Variants in ELAVL4 observed in about 807,000 individuals in gnomAD.
ELAVL4 encodes the protein ELAV-like protein 4.
A neutral mutation model predicts 35.6 loss-of-function variants in ELAVL4; 1 was observed. The ratio of observed to expected loss-of-function variants is 0.03; its 90% confidence interval spans 0.01 to 0.13. ELAVL4 has a LOEUF of 0.13. Ranked by LOEUF, ELAVL4 falls within the 10% of genes least tolerant of loss-of-function variation. ELAVL4 has a pLI of 1.00. For synonymous variants in ELAVL4, 156 were observed against 171.0 expected (o/e 0.91, Z 0.69); for missense variants, 267 against 464.9 (o/e 0.57, Z 3.91).
intron 1 of ELAVL4, among the ~76,000 whole-genome samples, chr1:50,139,857 A>G (rs1407177981): frequency 6.6e-6 from 1 of 152,128 alleles, no homozygotes; most frequent in Non-Finnish European, 1.5e-5. Flanking sequence ...TATTTTGCAG[A>G]AAAGAGTGGT....
chr1:50,180,242 A>G (rs1680809493), intron 3 of ELAVL4: 1 of 151,848 alleles, frequency 6.6e-6, no homozygotes, highest in South Asian at 2.1e-4. Context: ...CCCAAATTGG[A>G]AAATCTGAAA....
rs569351472 is a variant in ELAVL4, at chr1:50,087,345, C to T, written c.18+39163C>T. Among the ~76,000 whole-genome samples, 4 of 152,302 alleles carry T rather than the reference C, an allele frequency of 2.6e-5. No individual in the cohort carries two copies. The South Asian group carries it at 8.3e-4, about 32-fold the overall frequency. On this transcript the variant is annotated intron_variant, in intron 1 of 6. Coordinates refer to the ELAVL4 transcript ENST00000448907. ...ATTAGTGACAGAGCAAAGATGCTTG[C>T]TGTTCATGTCTTCCACTCTAGTACT...
upstream of ELAVL4, among the ~76,000 whole-genome samples, chr1:50,099,560 C>CAAAAAAAAAAA (rs750905424): frequency 3.6e-5 from 2 of 56,244 alleles, no homozygotes; most frequent in Non-Finnish European, 7.9e-5. Context: ...AACTCCGCCT[C>CAAAAAAAAAAA]AAAAAAAAAA....
chr1:50,049,107 C>T (rs145853018), intron 1 of ELAVL4, among the ~76,000 whole-genome samples: 81 of 152,266 alleles, frequency 5.3e-4, no homozygotes, highest in African/African-American at 1.9e-3. Flanking sequence ...AAGCTGTTAG[C>T]CAATACCACT....
chr1:50,079,029 G>T (rs186827837), intron 1 of ELAVL4, among the ~76,000 whole-genome samples: 1 of 152,280 alleles, frequency 6.6e-6, no homozygotes, highest in Admixed American at 6.5e-5. Context: ...CTCATCAAGT[G>T]ATGAAGTCTG....
At chr1:50,140,210 C>A (rs768753740) in intron 1 of ELAVL4, among the ~76,000 whole-genome samples, 8 of 152,202 alleles carry the variant, frequency 5.3e-5, no homozygotes, top group Non-Finnish European at 1.2e-4. Flanking sequence ...GTGAGACCCA[C>A]ACAGAATGTT....
At chr1:50,111,589 G>A (rs377396101) in intron 1 of ELAVL4, among the ~76,000 whole-genome samples, 24 of 152,022 alleles carry the variant, frequency 1.6e-4, no homozygotes, top group Non-Finnish European at 2.9e-5. Context: ...AATAATAAAT[G>A]AAGAGCTTTT....
intron 6 of ELAVL4, among the ~76,000 whole-genome samples, chr1:50,198,537 G>C (rs986997091): frequency 2.0e-5 from 3 of 152,104 alleles, no homozygotes; most frequent in East Asian, 3.9e-4. Context: ...TCAGAGGACC[G>C]GCCTTTCAAA....
intron 1 of ELAVL4, among the ~76,000 whole-genome samples, chr1:50,077,567 A>G (rs1033116696): frequency 3.3e-5 from 5 of 152,112 alleles, no homozygotes; most frequent in African/African-American, 1.2e-4. Flanking sequence ...TGTTAATCTC[A>G]TTTAAAACAC....
At chr1:50,108,503 A>G (rs1204325153), upstream of ELAVL4, among the ~76,000 whole-genome samples, 3 of 152,186 alleles carry the variant, frequency 2.0e-5, no homozygotes, top group African/African-American at 7.2e-5. Context: ...GCAACTGTCT[A>G]GAAAGATAAG....
In ELAVL4 at chr1:50,112,525, AC is replaced by A. The variant is rs1444479817; in HGVS notation, c.9+3328del. The stretch of plus-strand genomic sequence containing the variant: ...CCAATTGGAAATATTTCTGCAAAAA[AC>A]ATCTGACTAAGTAGCAGTTTTAATG... On this transcript the variant is annotated intron_variant, in intron 1 of 6. Transcript: ENST00000371824. Among the ~76,000 whole-genome samples, 4 of 152,262 alleles carry A rather than the reference AC, an allele frequency of 2.6e-5. No homozygotes were observed. In the East Asian group the frequency reaches 7.7e-4, roughly 29 times the overall value.
intron 2 of ELAVL4, among the ~76,000 whole-genome samples, chr1:50,154,398 C>T (rs1675353656): frequency 1.3e-5 from 2 of 151,976 alleles, no homozygotes; most frequent in East Asian, 1.9e-4. Context: ...TTAGTTCTTG[C>T]GGATTTCTAA....
At chr1:50,075,746 A>G (rs78270349) in intron 1 of ELAVL4, among the ~76,000 whole-genome samples, 2 of 152,230 alleles carry the variant, frequency 1.3e-5, no homozygotes, top group Admixed American at 6.5e-5. Flanking sequence ...CAACATCTTG[A>G]TGAACCCGTC....
At chr1:50,123,417 A>G (rs1418054604) in intron 1 of ELAVL4, among the ~76,000 whole-genome samples, 2 of 152,030 alleles carry the variant, frequency 1.3e-5, no homozygotes, top group Non-Finnish European at 2.9e-5. Context: ...ATACTACACT[A>G]GTGCTAAAAA....
At chr1:50,171,821 AT>A in intron 2 of ELAVL4, among the ~76,000 whole-genome samples, 1 of 152,336 alleles carries the variant, frequency 6.6e-6, no homozygotes, top group Middle Eastern at 3.4e-3. Flanking sequence ...ACCTCTCAGA[AT>A]GGGCAGTGAA....
At chr1:50,048,145 C>T (rs1218496778) in exon 1 of ELAVL4, 2 of 1,519,696 alleles carry the variant, frequency 1.3e-6, no homozygotes, top group Non-Finnish European at 1.8e-6. Flanking sequence ...AGCCTCGGGC[C>T]GGATCGCCCG....
intron 3 of ELAVL4, among the ~76,000 whole-genome samples, chr1:50,192,519 GCACACACACACACACACACA>G (rs5774068): frequency 2.9e-5 from 4 of 140,336 alleles, no homozygotes; most frequent in South Asian, 2.4e-4. Context: ...TTGTGTGCAC[GCACACACACACACACACACA>G]CACACACACA....
At chr1:50,104,224 T>C (rs1418922746), upstream of ELAVL4, among the ~76,000 whole-genome samples, 1 of 152,214 alleles carries the variant, frequency 6.6e-6, no homozygotes, top group Admixed American at 6.5e-5. Flanking sequence ...TCTTCCTTGG[T>C]AATCAAAATA....
At chr1:50,095,101 A>G (rs896116571) in intron 1 of ELAVL4, among the ~76,000 whole-genome samples, 2 of 152,236 alleles carry the variant, frequency 1.3e-5, no homozygotes, top group African/African-American at 4.8e-5. Flanking sequence ...TGAATGCTTC[A>G]AAATGAAAAT....
Sources: gnomAD v4.1 joint callset for allele counts (sites outside exome capture counted in the v4.1 genomes callset) on GRCh38, gnomAD v4.1.1 for gene constraint, MANE v1.5 for transcripts, NCBI Gene and HGNC (gene_info 2026-07-23, HGNC 2026-07-21) for gene names.